HECW2: variants seen among roughly 807,000 people sequenced by gnomAD.
HECW2 encodes E3 ubiquitin-protein ligase HECW2.
In HECW2, 61 loss-of-function variants were observed where a neutral mutation model predicts 175.2. The ratio of observed to expected loss-of-function variants is 0.35; its 90% CI spans 0.28 to 0.43. The LOEUF (loss-of-function observed/expected upper bound fraction) is 0.43, where lower values mean the gene tolerates loss of function less well. HECW2 is among the 20% of genes least tolerant of loss of function. The pLI, the probability that HECW2 is intolerant of heterozygous loss-of-function variation, is 1.00. For missense variants in HECW2, 1,524 were observed against 2,000.5 expected (o/e 0.76, Z 4.54); for synonymous variants, 671 against 731.0 (o/e 0.92, Z 1.32).
At position 196,338,540 on chromosome 2, in the gene HECW2, A is replaced by C. The variant is rs1006423139; in HGVS notation, c.401-4022T>G. On this transcript the variant is annotated intron_variant, in intron 3 of 28. Coordinates refer to ENST00000644978, the MANE Select transcript of HECW2 (RefSeq NM_001348768.2). ...AGATTATATTTCAAGCCCTCTCTGC[A>C]AAAAGGTTCTACAAGCCACTCCCTG... is the stretch of plus-strand genomic sequence containing the variant. Among the ~76,000 whole-genome samples the C allele has an allele frequency of 7.9e-5, 12 of 152,332 alleles. No individual in the cohort carries two copies. In the East Asian group the frequency reaches 2.1e-3, roughly 27 times the overall value.
chr2:196,491,231 G>A (rs1035081357), intron 1 of HECW2, among the ~76,000 whole-genome samples: 1 of 151,908 alleles, frequency 6.6e-6, no homozygotes, highest in African/African-American at 2.4e-5. Context: ...GGGTGCAGTG[G>A]CTCACACCTG....
At chr2:196,310,141 T>C (rs974363827) in intron 10 of HECW2, among the ~76,000 whole-genome samples, 6 of 152,198 alleles carry the variant, frequency 3.9e-5, no homozygotes, top group African/African-American at 1.4e-4. Flanking sequence ...AAAAGAATGA[T>C]TCTTGTATTC....
intron 1 of HECW2, among the ~76,000 whole-genome samples, chr2:196,507,189 A>ACG (rs71012915): frequency 1.5e-3 from 224 of 152,280 alleles, no homozygotes; most frequent in African/African-American, 4.8e-3. Context: ...ACACACTAAT[A>ACG]TGTGTATATT....
chr2:196,212,590 C>G (rs533285455), intron 28 of HECW2, among the ~76,000 whole-genome samples: 37 of 152,154 alleles, frequency 2.4e-4, no homozygotes, highest in Admixed American at 6.5e-4. Context: ...TTTATCCAGT[C>G]TACCATTGAT....
intron 13 of HECW2, among the ~76,000 whole-genome samples, chr2:196,295,246 T>A (rs1690764131): frequency 6.6e-6 from 1 of 152,016 alleles, no homozygotes; most frequent in Non-Finnish European, 1.5e-5. Flanking sequence ...GATAGGAAAG[T>A]GATACCATGA....
chr2:196,340,617 A>T (rs910812327), intron 3 of HECW2, among the ~76,000 whole-genome samples: 1 of 151,554 alleles, frequency 6.6e-6, no homozygotes, highest in South Asian at 2.1e-4. Flanking sequence ...AAAAAAAAAA[A>T]AAAATGACAT....
chr2:196,238,885 T>C (rs1559456363), intron 21 of HECW2: 1 of 152,234 alleles, frequency 6.6e-6, no homozygotes. Flanking sequence ...AAACGTCTGT[T>C]CTATTCAAAC....
At chr2:196,368,932 G>A (rs941167406) in intron 2 of HECW2, among the ~76,000 whole-genome samples, 3 of 152,012 alleles carry the variant, frequency 2.0e-5, no homozygotes, top group Non-Finnish European at 4.4e-5. Context: ...TGAATTCTCT[G>A]TCTGACTGAC....
At chr2:196,470,473 AT>A (rs1697151140) in intron 1 of HECW2, among the ~76,000 whole-genome samples, 1 of 151,992 alleles carries the variant, frequency 6.6e-6, no homozygotes, top group East Asian at 1.9e-4. Flanking sequence ...GCTAAACTTT[AT>A]TTTTTCTGTT....
At position 196,219,107 on chromosome 2, in the gene HECW2, T is replaced by C. The variant is rs112706162; in HGVS notation, c.4408+932A>G. Among the ~76,000 whole-genome samples, 1,080 of 152,330 alleles carry C rather than the reference T, an allele frequency of 7.1e-3. 15 individuals carry two copies. Among genetic ancestry groups the C allele is most frequent in the African/African-American group, 0.024 (1,008 of 41,562 alleles). ...CAACTTAGAGATAACTAGAGAACTGTTCAGCTCTCAATTTACTCTGCTAAG... is the reference window on the plus strand; with the variant it reads ...CAACTTAGAGATAACTAGAGAACTGCTCAGCTCTCAATTTACTCTGCTAAG... On this transcript the variant is annotated intron_variant, in intron 26 of 28. Transcript: ENST00000644978.
At chr2:196,238,595 C>G (rs558493566) in intron 21 of HECW2, 1 of 152,264 alleles carries the variant, frequency 6.6e-6, no homozygotes, top group African/African-American at 2.4e-5. Flanking sequence ...CTGACAAAGT[C>G]ATGAGTCCAG....
intron 1 of HECW2, among the ~76,000 whole-genome samples, chr2:196,572,420 C>T (rs1025296354): frequency 6.6e-6 from 1 of 152,050 alleles, no homozygotes; most frequent in Non-Finnish European, 1.5e-5. Flanking sequence ...TGGGCTCAGG[C>T]GATCTACTCA....
intron 1 of HECW2, among the ~76,000 whole-genome samples, chr2:196,535,246 A>C (rs975339425): frequency 6.6e-6 from 1 of 152,192 alleles, no homozygotes; most frequent in African/African-American, 2.4e-5. Flanking sequence ...CACAAAATCA[A>C]GATCAGTACT....
rs535143248 is a variant in HECW2 at position 196,385,620 on chromosome 2, G to A, written c.293-41856C>T. The stretch of plus-strand genomic sequence containing the variant: ...TCTTAGAGAATCACTTTTGTGATCT[G>A]AAGCTAGTCCTTTAACTTCTCTGGA... On this transcript the variant is annotated intron_variant, in intron 2 of 28. Transcript: ENST00000644978. 5.9e-5 allele frequency among the ~76,000 whole-genome samples: 9 copies of A among 152,318 alleles called. No homozygotes were observed. In the South Asian group the frequency reaches 1.9e-3, roughly 32 times the overall value.
intron 17 of HECW2, among the ~76,000 whole-genome samples, chr2:196,261,058 C>T (rs899065815): frequency 2.0e-5 from 3 of 152,076 alleles, no homozygotes; most frequent in African/African-American, 2.4e-5. Context: ...AAAGGGACGG[C>T]GAACACACCT....
intron 1 of HECW2, among the ~76,000 whole-genome samples, chr2:196,568,179 T>C (rs1690248061): frequency 6.6e-6 from 1 of 152,208 alleles, no homozygotes; most frequent in Admixed American, 6.5e-5. Flanking sequence ...TCTGTTTCTT[T>C]TTAAAAATTT....
chr2:196,214,620 G>A (rs1687404385), intron 28 of HECW2, among the ~76,000 whole-genome samples: 1 of 152,180 alleles, frequency 6.6e-6, no homozygotes, highest in Admixed American at 6.5e-5. Context: ...AAATATGCCA[G>A]GTAATACTTA....
At chr2:196,434,909 C>T (rs1035900345) in intron 1 of HECW2, among the ~76,000 whole-genome samples, 2 of 152,332 alleles carry the variant, frequency 1.3e-5, no homozygotes, top group Middle Eastern at 3.4e-3. Context: ...TACATGACAG[C>T]TAACGACCTT....
intron 28 of HECW2, among the ~76,000 whole-genome samples, chr2:196,209,749 TTTTC>T (rs921521385): frequency 2.4e-4 from 36 of 147,110 alleles, no homozygotes; most frequent in Admixed American, 3.4e-4. Flanking sequence ...TTCTGATGGT[TTTTC>T]TTTCTTTCTT....
Sources: gnomAD v4.1 joint callset for allele counts (sites outside exome capture counted in the v4.1 genomes callset) on GRCh38, gnomAD v4.1.1 for gene constraint, MANE v1.5 for transcripts, NCBI Gene and HGNC (gene_info 2026-07-23, HGNC 2026-07-21) for gene names.